The following DIAPH2 variants were observed in gnomAD, a reference collection of about 807,000 sequenced individuals.
DIAPH2 encodes diaphanous related formin 2, also known as protein diaphanous homolog 2.
DIAPH2 carries 35 observed loss-of-function variants against 92.7 expected under a neutral mutation model. That is an observed-to-expected ratio of 0.38 (90% CI 0.29 to 0.50). The LOEUF (loss-of-function observed/expected upper bound fraction) is 0.50. DIAPH2 is among the 20% of genes least tolerant of loss of function. DIAPH2 has a pLI of 0.94. For missense variants in DIAPH2, 701 were observed against 819.5 expected (o/e 0.86, Z 1.77); for synonymous variants, 301 against 280.4 (o/e 1.07, Z -0.73).
chrX:97,402,033 T>G (rs1331169590), intron 25 of DIAPH2, among the ~76,000 whole-genome samples: 1 of 112,732 alleles, frequency 8.9e-6, no homozygotes. Context: ...AATCAAGTAG[T>G]TCTCAGTGAC....
chrX:97,210,309 G>A (rs1173662599), intron 22 of DIAPH2, among the ~76,000 whole-genome samples: 1 of 111,544 alleles, frequency 9.0e-6, no homozygotes, highest in East Asian at 2.8e-4. Context: ...GAAACCTTTC[G>A]ATGATAGTGT....
At chrX:97,001,763 A>G (rs2066146314) in intron 17 of DIAPH2, among the ~76,000 whole-genome samples, 1 of 111,509 alleles carries the variant, frequency 9.0e-6, no homozygotes, top group Non-Finnish European at 1.9e-5. Context: ...TTTATTTTTA[A>G]CTCTAATGGA....
intron 23 of DIAPH2, among the ~76,000 whole-genome samples, chrX:97,287,952 C>CAAAAAAAAAAAAA (rs748309881): frequency 2.5e-4 from 10 of 39,782 alleles, no homozygotes; most frequent in African/African-American, 1.1e-3. Context: ...GACTCTGTCT[C>CAAAAAAAAAAAAA]AAAAAAAAAA....
At position 97,275,302 on chromosome X, in the gene DIAPH2, G is replaced by A. The variant is rs1434287581; in HGVS notation, c.2844+27463G>A. On this transcript the variant is annotated intron_variant, in intron 23 of 26. Transcript: ENST00000324765. ...CCCCAACCTCCCTCCCGGGAGGGGC[G>A]GCTGGCCCGGCGGGGGCTGTCCCCC... Among the ~76,000 whole-genome samples, 359 of 58,369 alleles carry A rather than the reference G, an allele frequency of 6.2e-3. 2 individuals are homozygous for A. The highest frequency in any genetic ancestry group is 0.021 in the African/African-American group (326 of 15,611). 50.7% of individuals were successfully genotyped at this position (58,369 alleles called of 115,157 possible). A position where few individuals can be genotyped will look rare whatever the true frequency, so the allele number is the denominator to read the frequency against.
At chrX:97,306,329 G>A (rs1353031932) in intron 23 of DIAPH2, among the ~76,000 whole-genome samples, 1 of 111,318 alleles carries the variant, frequency 9.0e-6, no homozygotes, top group Admixed American at 9.6e-5. Flanking sequence ...AGGGGGCAGG[G>A]CCATTGGTGG....
intron 24 of DIAPH2, among the ~76,000 whole-genome samples, chrX:97,364,760 T>TTTTTTTTTG (rs1491332000): frequency 6.6e-4 from 2 of 3,015 alleles, no homozygotes; most frequent in Non-Finnish European, 3.5e-3. Context: ...TCTCCTGGTG[T>TTTTTTTTTG]TTTTTTTTTT....
chrX:97,353,884 A>G (rs2069241231), intron 24 of DIAPH2, among the ~76,000 whole-genome samples: 1 of 111,138 alleles, frequency 9.0e-6, no homozygotes, highest in Non-Finnish European at 1.9e-5. Context: ...GTATGATCAT[A>G]GCTCACTGTA....
intron 26 of DIAPH2, among the ~76,000 whole-genome samples, chrX:97,562,691 G>A (rs1035971396): frequency 9.0e-5 from 10 of 111,538 alleles, no homozygotes; most frequent in Admixed American, 1.9e-4. Flanking sequence ...GGAAATATTC[G>A]GGAATTTTAA....
At chrX:97,052,351 A>G (rs1293744910) in intron 17 of DIAPH2, among the ~76,000 whole-genome samples, 1 of 111,039 alleles carries the variant, frequency 9.0e-6, no homozygotes, top group Non-Finnish European at 1.9e-5. Flanking sequence ...TTCCCAGGCA[A>G]TAGTAGGTAT....
At chrX:97,500,462 T>C (rs2070787205) in intron 26 of DIAPH2, among the ~76,000 whole-genome samples, 1 of 110,275 alleles carries the variant, frequency 9.1e-6, no homozygotes, top group Non-Finnish European at 1.9e-5. Context: ...GGGCCAGTTT[T>C]GTTTCTGAGA....
intron 26 of DIAPH2, among the ~76,000 whole-genome samples, chrX:97,555,097 A>G (rs1325603838): frequency 9.1e-6 from 1 of 110,155 alleles, no homozygotes; most frequent in East Asian, 2.8e-4. Context: ...AGGCTGGTGG[A>G]ACATTTGGTA....
At chrX:97,304,719 G>A (rs1478214220) in intron 23 of DIAPH2, among the ~76,000 whole-genome samples, 1 of 111,889 alleles carries the variant, frequency 8.9e-6, no homozygotes, top group African/African-American at 3.2e-5. Flanking sequence ...TTTTAATAAA[G>A]GATGCTGTTG....
intron 22 of DIAPH2, among the ~76,000 whole-genome samples, chrX:97,242,515 C>CA: frequency 9.1e-6 from 1 of 110,058 alleles, no homozygotes; most frequent in African/African-American, 3.3e-5. Flanking sequence ...AGGCGGGCAC[C>CA]ACCATGCCCA....
At chrX:97,146,007 CTTTTTTTT>C (rs372292277) in intron 22 of DIAPH2, among the ~76,000 whole-genome samples, 3 of 43,169 alleles carry the variant, frequency 6.9e-5, no homozygotes, top group Non-Finnish European at 1.2e-4. Flanking sequence ...TTTCTTCTTC[CTTTTTTTT>C]TTTTTTTTTT....
chrX:97,235,901 T>C (rs1230266694), intron 22 of DIAPH2, among the ~76,000 whole-genome samples: 1 of 112,099 alleles, frequency 8.9e-6, no homozygotes, highest in Admixed American at 9.5e-5. Flanking sequence ...AGTACAATTA[T>C]ATTATCTAAT....
intron 1 of DIAPH2, among the ~76,000 whole-genome samples, chrX:96,733,156 G>A (rs1293183065): frequency 8.9e-6 from 1 of 111,938 alleles, no homozygotes; most frequent in African/African-American, 3.2e-5. Context: ...AAAAATCCCT[G>A]TCCTTGTGGA....
At chrX:97,554,499 A>G (rs897918) in intron 26 of DIAPH2, among the ~76,000 whole-genome samples, 51,911 of 110,741 alleles carry the variant, frequency 0.47, 8,686 homozygotes, top group Non-Finnish European at 0.51. Context: ...TGAATAAATC[A>G]TGAAGGCTGA....
chrX:96,795,375 G>A (rs1394546280), intron 4 of DIAPH2, among the ~76,000 whole-genome samples: 1 of 109,538 alleles, frequency 9.1e-6, no homozygotes, highest in East Asian at 2.9e-4. Context: ...TCTGGTTAAT[G>A]TTCCAGGTTA....
At position 97,603,301 on chromosome X, in the gene DIAPH2, A is replaced by G. The variant is rs1252227886; in HGVS notation, c.*3984A>G. ...GAGATGAGGTCTCACTCTGTCACCC[A>G]GGCTGCAGTGTAGTGGTGCAAACAT... On this transcript the variant is annotated 3_prime_UTR_variant, in exon 27 of 27. Coordinates refer to ENST00000324765, the MANE Select transcript of DIAPH2 (RefSeq NM_006729.5). 9.0e-6 allele frequency: 1 copy of G among 110,792 alleles called. No individual in the cohort carries two copies. The highest frequency in any genetic ancestry group is 3.3e-5 in the African/African-American group (1 of 30,402). 9.1% of individuals were successfully genotyped at this position (110,792 alleles called of 1,213,427 possible). A position where few individuals can be genotyped will look rare whatever the true frequency, so the allele number is the denominator to read the frequency against.
Sources: allele counts gnomAD v4.1 joint callset (sites outside exome capture counted in the v4.1 genomes callset), GRCh38; gene constraint gnomAD v4.1.1; transcripts MANE v1.5; gene names NCBI Gene and HGNC (gene_info 2026-07-23, HGNC 2026-07-21).